Variants in MEOX2 observed in about 807,000 individuals in gnomAD.
MEOX2 encodes the protein homeobox protein MOX-2.
In MEOX2, 11 loss-of-function variants were observed where a neutral mutation model predicts 27.0. The ratio of observed to expected loss-of-function variants is 0.41; its 90% confidence interval spans 0.26 to 0.68. The LOEUF is 0.68. Among genes scored for constraint, MEOX2 ranks in the 30% least tolerant of loss-of-function variants. The probability of loss-of-function intolerance (pLI) is 0.33; values close to 1 mark genes in which losing one functional copy is unlikely to be tolerated. For synonymous variants in MEOX2, 189 were observed against 155.4 expected, an observed-to-expected ratio of 1.22 and a Z score of -1.61; for missense variants, 436 against 385.4, an observed-to-expected ratio of 1.13 and a Z score of -1.10.
intron 2 of MEOX2, 65 bp downstream of exon 2, chr7:15,626,681 G>A: frequency 8.5e-7 from 1 of 1,174,202 alleles, no homozygotes. Context: ...TTTCAAATAT[G>A]GCAAAGAAGA....
intron 1 of MEOX2, among the ~76,000 whole-genome samples, chr7:15,662,022 A>C (rs1781926932): frequency 6.6e-6 from 1 of 151,936 alleles, no homozygotes; most frequent in Non-Finnish European, 1.5e-5. Flanking sequence ...CATCTGAAGC[A>C]AGTCCATCCT....
At chr7:15,632,776 C>T (rs1484013341) in intron 1 of MEOX2, among the ~76,000 whole-genome samples, 1 of 151,888 alleles carries the variant, frequency 6.6e-6, no homozygotes, top group Non-Finnish European at 1.5e-5. Flanking sequence ...TTTTGCTACA[C>T]ATTTCTAGGC....
chr7:15,656,378 C>G (rs1437435605), intron 1 of MEOX2, among the ~76,000 whole-genome samples: 1 of 151,452 alleles, frequency 6.6e-6, no homozygotes, highest in Non-Finnish European at 1.5e-5. Context: ...TATGCTAGAG[C>G]TTACATCTGC....
At chr7:15,613,893 G>A (rs924530834) in intron 2 of MEOX2, among the ~76,000 whole-genome samples, 3 of 151,548 alleles carry the variant, frequency 2.0e-5, no homozygotes, top group African/African-American at 7.3e-5. Context: ...TTGCATTTGT[G>A]TCCTGATAAG....
chr7:15,627,214 T>A (rs1781325773), intron 1 of MEOX2, among the ~76,000 whole-genome samples: 2 of 152,028 alleles, frequency 1.3e-5, no homozygotes, highest in Non-Finnish European at 2.9e-5. Flanking sequence ...AACCAAAACC[T>A]CTCTAGAAAA....
intron 1 of MEOX2, among the ~76,000 whole-genome samples, chr7:15,658,235 T>G (rs541123412): frequency 1.3e-5 from 2 of 152,170 alleles, no homozygotes; most frequent in African/African-American, 2.4e-5. Flanking sequence ...TTTCTCTGAC[T>G]TCAGCCTGCA....
chr7:15,618,038 C>A (rs10254129), intron 2 of MEOX2, among the ~76,000 whole-genome samples: 102,132 of 151,812 alleles, frequency 0.67, 34,588 homozygotes, highest in East Asian at 0.81. Flanking sequence ...CAACCTTATA[C>A]TCTCACTCTT....
chr7:15,680,126 A>C (rs1346509807), intron 1 of MEOX2: 1 of 151,968 alleles, frequency 6.6e-6, no homozygotes, highest in Non-Finnish European at 1.5e-5. Context: ...ACCCATGAAA[A>C]TTAATAACCC....
intron 1 of MEOX2, among the ~76,000 whole-genome samples, chr7:15,653,884 C>A (rs1263412228): frequency 6.6e-6 from 1 of 151,936 alleles, no homozygotes; most frequent in Admixed American, 6.6e-5. Context: ...TGTTCAAAAT[C>A]GTTTAGCTAT....
chr7:15,678,179 T>G (rs905813921), intron 1 of MEOX2, among the ~76,000 whole-genome samples: 1 of 152,124 alleles, frequency 6.6e-6, no homozygotes, highest in Admixed American at 6.6e-5. Context: ...ATACTTCAAA[T>G]AAGAAAAAGA....
At chr7:15,685,859 T>G in intron 1 of MEOX2, 27 bp downstream of exon 1, 2 of 1,554,380 alleles carry the variant, frequency 1.3e-6, no homozygotes, top group Non-Finnish European at 1.7e-6. Context: ...CGGCGCGCAC[T>G]CTCGAGGGTG....
At chr7:15,616,869 T>G (rs963740304) in intron 2 of MEOX2, among the ~76,000 whole-genome samples, 1 of 151,876 alleles carries the variant, frequency 6.6e-6, no homozygotes, top group African/African-American at 2.4e-5. Context: ...GAAGCACAAA[T>G]AAAACATAGT....
At chr7:15,618,535 A>G (rs1259882690) in intron 2 of MEOX2, among the ~76,000 whole-genome samples, 3 of 151,970 alleles carry the variant, frequency 2.0e-5, no homozygotes, top group Non-Finnish European at 2.9e-5. Context: ...TTGGCAACAT[A>G]ATACCATCAA....
chr7:15,679,252 T>C (rs1782254320), intron 1 of MEOX2: 1 of 152,108 alleles, frequency 6.6e-6, no homozygotes, highest in Admixed American at 6.6e-5. Context: ...AAACGCCTTC[T>C]TTTAACGTGT....
chr7:15,655,505 T>C (rs950910659), intron 1 of MEOX2, among the ~76,000 whole-genome samples: 1 of 151,866 alleles, frequency 6.6e-6, no homozygotes, highest in East Asian at 1.9e-4. Flanking sequence ...AATGTTCATT[T>C]ACTGTTATAA....
intron 1 of MEOX2, among the ~76,000 whole-genome samples, chr7:15,670,219 T>C (rs1010474263): frequency 6.6e-6 from 1 of 152,248 alleles, no homozygotes; most frequent in Non-Finnish European, 1.5e-5. Context: ...TTATGTTTAA[T>C]AATTATTTTA....
chr7:15,639,078 TA>T (rs1346775339), intron 1 of MEOX2, among the ~76,000 whole-genome samples: 1 of 152,174 alleles, frequency 6.6e-6, no homozygotes, highest in African/African-American at 2.4e-5. Flanking sequence ...GGATATAAGC[TA>T]ATTTACATTC....
intron 1 of MEOX2, among the ~76,000 whole-genome samples, chr7:15,683,732 G>C (rs1052724289): frequency 1.2e-4 from 19 of 152,038 alleles, no homozygotes. Flanking sequence ...AGAAACTATT[G>C]TGATTTTCCT....
chr7:15,657,485 T>C (rs377750315), intron 1 of MEOX2, among the ~76,000 whole-genome samples: 135 of 152,296 alleles, frequency 8.9e-4, no homozygotes, highest in African/African-American at 2.7e-3. Flanking sequence ...AGCTCATCCA[T>C]TGAGATTTTA....
Sources: allele counts gnomAD v4.1 joint callset (sites outside exome capture counted in the v4.1 genomes callset), GRCh38; gene constraint gnomAD v4.1.1; transcripts MANE v1.5; gene names NCBI Gene and HGNC (gene_info 2026-07-23, HGNC 2026-07-21).